Variants in FNDC1 observed in about 807,000 individuals in gnomAD.
FNDC1 encodes fibronectin type III domain-containing protein 1.
A neutral mutation model predicts 168.0 loss-of-function variants in FNDC1; 96 were observed. The observed-to-expected ratio is 0.57, with a 90% CI of 0.48 to 0.68. The LOEUF is 0.68. FNDC1 is among the 30% of genes least tolerant of loss of function. The probability of loss-of-function intolerance (pLI) is 0.00; values close to 1 mark genes in which losing one functional copy is unlikely to be tolerated. For missense variants in FNDC1, 2,587 were observed against 2,482.1 expected, an observed-to-expected ratio of 1.04 and a Z score of -0.90; for synonymous variants, 1,099 against 1,025.9, an observed-to-expected ratio of 1.07 and a Z score of -1.36.
intron 1 of FNDC1, among the ~76,000 whole-genome samples, chr6:159,179,659 G>A (rs1174885869): frequency 6.6e-6 from 1 of 152,044 alleles, no homozygotes; most frequent in African/African-American, 2.4e-5. Flanking sequence ...ATATTTTACT[G>A]GCTTACTTGA....
rs1777619336 is a variant in FNDC1, at chr6:159,267,750, A to G, written c.5447-54A>G. 8.7e-6 allele frequency: 14 copies of G among 1,604,868 alleles called. No homozygotes were observed. In the South Asian group the frequency reaches 1.6e-4, roughly 18 times the overall value. ...AAAGCTTGTGCAAAAAAACTCCTAA[A>G]CCAGTTGTGACTTTCTGTACCTAGT... On this transcript the variant is annotated intron_variant, in intron 21 of 22. Transcript: ENST00000297267.
chr6:159,208,018 G>A (rs1782525071), intron 4 of FNDC1, among the ~76,000 whole-genome samples: 1 of 152,204 alleles, frequency 6.6e-6, no homozygotes, highest in African/African-American at 2.4e-5. Flanking sequence ...TGGCCCTCAT[G>A]AATCCTGTAG....
intron 14 of FNDC1, chr6:159,240,774 A>C (rs1437349319): frequency 6.6e-6 from 1 of 152,218 alleles, no homozygotes; most frequent in African/African-American, 2.4e-5. Context: ...TCCCCTGCTC[A>C]AGCTGCTTTG....
chr6:159,262,673 G>C (rs572397626), intron 19 of FNDC1, among the ~76,000 whole-genome samples: 1 of 152,160 alleles, frequency 6.6e-6, no homozygotes, highest in Non-Finnish European at 1.5e-5. Context: ...TGATATACAC[G>C]TAACTTCTGG....
chr6:159,171,207 G>A (rs370550898), intron 1 of FNDC1, among the ~76,000 whole-genome samples: 2 of 152,202 alleles, frequency 1.3e-5, no homozygotes, highest in South Asian at 2.1e-4. Flanking sequence ...GGGCTGGACA[G>A]CTTCCCAGCC....
At chr6:159,201,574 A>G (rs1176650029) in intron 4 of FNDC1, among the ~76,000 whole-genome samples, 1 of 152,220 alleles carries the variant, frequency 6.6e-6, no homozygotes, top group Non-Finnish European at 1.5e-5. Context: ...GAGTCATGCT[A>G]TAAGGCAAAA....
At chr6:159,228,641 A>G (rs1190755775) in intron 9 of FNDC1, among the ~76,000 whole-genome samples, 6 of 152,040 alleles carry the variant, frequency 3.9e-5, no homozygotes, top group Non-Finnish European at 7.4e-5. Flanking sequence ...TTCTGTGATT[A>G]AAGTTATTTT....
Position 159,249,437 on chromosome 6 carries a change from A to T in FNDC1, c.4834+255A>T, listed in dbSNP as rs189454508. 9.2e-5 allele frequency among the ~76,000 whole-genome samples: 14 copies of T among 152,334 alleles called. No homozygotes were observed. The East Asian group carries it at 2.5e-3, about 27-fold the overall frequency. On this transcript the variant is annotated intron_variant, in intron 16 of 22. Coordinates refer to ENST00000297267, the MANE Select transcript of FNDC1 (RefSeq NM_032532.3). The stretch of plus-strand genomic sequence containing the variant: ...GAGAGAGACTGCCTTGCATAGACTA[A>T]GAGTAAGAAACACTTAAAAACCATC...
chr6:159,231,800 G>A, intron 10 of FNDC1, 82 bp from the exon 11 acceptor site: 2 of 1,165,644 alleles, frequency 1.7e-6, no homozygotes, highest in African/African-American at 1.5e-5. Flanking sequence ...GCCTCCATAT[G>A]CTGTTTTAAA....
intron 1 of FNDC1, among the ~76,000 whole-genome samples, chr6:159,176,533 T>C (rs60336127): frequency 6.6e-6 from 1 of 152,132 alleles, no homozygotes; most frequent in South Asian, 2.1e-4. Flanking sequence ...AGGAAGGACA[T>C]CTCTGGTCGA....
intron 20 of FNDC1, among the ~76,000 whole-genome samples, chr6:159,265,289 T>C (rs555847980): frequency 1.1e-4 from 17 of 152,328 alleles, no homozygotes; most frequent in African/African-American, 3.8e-4. Flanking sequence ...ATTTGAATAT[T>C]TTAAATCACT....
At chr6:159,210,261 G>A (rs1486040720) in intron 4 of FNDC1, among the ~76,000 whole-genome samples, 3 of 152,224 alleles carry the variant, frequency 2.0e-5, no homozygotes, top group African/African-American at 7.2e-5. Context: ...ACCACCATGA[G>A]CTTCTCAACA....
chr6:159,266,959 G>C (rs1583926222), intron 21 of FNDC1, among the ~76,000 whole-genome samples: 1 of 151,578 alleles, frequency 6.6e-6, no homozygotes, highest in East Asian at 1.9e-4. Context: ...GCTTTTCACT[G>C]ACCCACCGAC....
chr6:159,232,212 G>A lies in FNDC1; in HGVS notation c.1700G>A (p.Arg567Lys), dbSNP rs1438212247. 2 of 1,613,244 alleles carry A rather than the reference G, an allele frequency of 1.2e-6. No individual in the cohort carries two copies. Among genetic ancestry groups the A allele is most frequent in the East Asian group, 2.2e-5 (1 of 44,818 alleles). Residue 567 changes from arginine to lysine, a missense_variant, in exon 11 of 23, where the codon AGG (arginine) becomes AAG (lysine). Arg to Lys is a conservative substitution (Grantham distance 26). Coordinates refer to ENST00000297267, the MANE Select transcript of FNDC1 (RefSeq NM_032532.3). The surrounding 1 kb of genome is among the most constrained non-coding windows in gnomAD (Gnocchi z 4.9). ...ACCCAAGACCAGAAACGGACCCTGA[G>A]GCCGCCAAGTAGACACGGCCACTCG... The part of the protein sequence containing the change: ...SDTQDQKRTL[R>K]PPSRHGHSVV...
At chr6:159,256,691 T>G in intron 18 of FNDC1, 60 bp downstream of exon 18, 1 of 1,310,536 alleles carries the variant, frequency 7.6e-7, no homozygotes, top group African/African-American at 1.5e-5. Context: ...CTGATTTGCT[T>G]TGGTTGGAAA....
chr6:159,219,758 A>C (rs564727389), intron 5 of FNDC1, among the ~76,000 whole-genome samples: 1 of 152,280 alleles, frequency 6.6e-6, no homozygotes, highest in African/African-American at 2.4e-5. Flanking sequence ...AACTTTAAGA[A>C]ATACATTGAA....
intron 12 of FNDC1, 27 bp from the exon 13 acceptor site, chr6:159,238,527 A>T (rs1783321643): frequency 6.7e-7 from 1 of 1,502,148 alleles, no homozygotes; most frequent in Non-Finnish European, 9.2e-7. Flanking sequence ...TGTCCAATAT[A>T]TTCTTTAATC....
intron 1 of FNDC1, among the ~76,000 whole-genome samples, chr6:159,173,007 T>C (rs1439540205): frequency 6.6e-6 from 1 of 152,232 alleles, no homozygotes; most frequent in African/African-American, 2.4e-5. Flanking sequence ...ATAAATATAT[T>C]TGTATGTCAA....
In FNDC1 at chr6:159,239,891, C is replaced by T. The variant is rs375829434; in HGVS notation, c.4555C>T (p.Arg1519Trp). Residue 1519 changes from arginine (R) to tryptophan (W), a missense_variant, in exon 14 of 23, where the codon CGG becomes TGG. By Grantham distance (101) the Arg-to-Trp change is moderately radical (BLOSUM62 -3). Coordinates refer to ENST00000297267, the MANE Select transcript of FNDC1 (RefSeq NM_032532.3). ...IPTCPPGTLE[R>W]HDDDGNLIMS... is the part of the protein sequence containing the mutation. ...CACCTGTCCCCCTGGGACCTTGGAA[C>T]GGCACGACGATGATGGCAACCTGAT... The T allele has an allele frequency of 6.6e-5, 102 of 1,537,068 alleles. 1 individual carries two copies. The highest frequency in any genetic ancestry group is 1.6e-4 in the South Asian group (13 of 81,938).
Sources: gnomAD v4.1 joint callset for allele counts (sites outside exome capture counted in the v4.1 genomes callset) on GRCh38, gnomAD v4.1.1 for gene constraint, Gnocchi (gnomAD v3.1) non-coding constraint, MANE v1.5 for transcripts, NCBI Gene and HGNC (gene_info 2026-07-23, HGNC 2026-07-21) for gene names.